AGO3: variants seen among roughly 807,000 people sequenced by gnomAD.
AGO3 encodes the protein argonaute RISC catalytic component 3, also known as protein argonaute-3.
In AGO3, 16 loss-of-function variants were observed where a neutral mutation model predicts 105.5. That is an observed-to-expected ratio of 0.15 (90% CI 0.10 to 0.23). The LOEUF is 0.23. Ranked by LOEUF, AGO3 falls within the 10% of genes least tolerant of loss-of-function variation. The pLI, the probability that AGO3 is intolerant of heterozygous loss-of-function variation, is 1.00. For synonymous variants in AGO3, 340 were observed against 367.3 expected, an observed-to-expected ratio of 0.93 and a Z score of 0.85; for missense variants, 534 against 1,088.0, an observed-to-expected ratio of 0.49 and a Z score of 7.16.
Position 36,069,869 on chromosome 1 carries a change from C to CA in AGO3, c.*14126dup, listed in dbSNP as rs1250517612. ...GTCAGGAGTTCGAGACCAGCCTGGCCAACATGGCAAAACCCCGTCTCTACT... is the reference window on the plus strand; with the variant it reads ...GTCAGGAGTTCGAGACCAGCCTGGCCAAACATGGCAAAACCCCGTCTCTACT... On this transcript the variant is annotated 3_prime_UTR_variant, in exon 19 of 19. Coordinates refer to ENST00000373191, the MANE Select transcript of AGO3 (RefSeq NM_024852.4). The CA allele has an allele frequency of 6.6e-6, 1 of 152,188 alleles. No individual in the cohort carries two copies. The highest frequency in any genetic ancestry group is 2.4e-5 in the African/African-American group (1 of 41,518). The allele number at this position is 152,188 out of a possible 1,614,324, so 9.4% of individuals were successfully genotyped here. A position where few individuals can be genotyped will look rare whatever the true frequency, so the allele number is the denominator to read the frequency against.
At chr1:35,954,054 A>G (rs1381500982) in intron 2 of AGO3, among the ~76,000 whole-genome samples, 5 of 152,310 alleles carry the variant, frequency 3.3e-5, no homozygotes, top group Admixed American at 3.3e-4. Flanking sequence ...GAAGGGTTCT[A>G]TATTAAAATG....
chr1:35,968,252 A>G (rs989129523), intron 3 of AGO3, among the ~76,000 whole-genome samples: 2 of 152,082 alleles, frequency 1.3e-5, no homozygotes, highest in African/African-American at 2.4e-5. Flanking sequence ...TCTTGTAGGG[A>G]GATTCTTTTT....
intron 2 of AGO3, among the ~76,000 whole-genome samples, chr1:35,960,775 C>A (rs1349014016): frequency 2.0e-5 from 3 of 152,202 alleles, no homozygotes; most frequent in African/African-American, 7.2e-5. Context: ...ACTTAAAAAA[C>A]TGTCAAGTGG....
Position 35,949,908 on chromosome 1 carries a change from G to A in AGO3, c.191+4045G>A, listed in dbSNP as rs1226577460. 2.6e-5 allele frequency among the ~76,000 whole-genome samples: 4 copies of A among 151,914 alleles called. No homozygotes were observed. The East Asian group carries it at 5.9e-4, about 22-fold the overall frequency. On this transcript the variant is annotated intron_variant, in intron 2 of 18. Coordinates refer to ENST00000373191, the MANE Select transcript of AGO3 (RefSeq NM_024852.4). ...TTACAGGCATGAGCCACCATGGCCA[G>A]CCTTATTTCGTTTCTTATTAAAGAT...
At chr1:35,967,422 T>G (rs990978110) in intron 3 of AGO3, among the ~76,000 whole-genome samples, 1 of 152,032 alleles carries the variant, frequency 6.6e-6, no homozygotes, top group African/African-American at 2.4e-5. Context: ...TATTTTATTT[T>G]ATTTTATTTT....
chr1:36,014,510 A>G (rs1010418749), intron 11 of AGO3, among the ~76,000 whole-genome samples: 8 of 149,418 alleles, frequency 5.4e-5, no homozygotes, highest in African/African-American at 1.7e-4. Context: ...AGTGGCTCAC[A>G]CCTGTAATCC....
At chr1:35,980,172 A>T (rs1557662605) in intron 5 of AGO3, among the ~76,000 whole-genome samples, 2 of 152,188 alleles carry the variant, frequency 1.3e-5, no homozygotes, top group East Asian at 3.8e-4. Context: ...AGTAACAATT[A>T]CATTAGCTTT....
At chr1:36,042,079 G>T (rs181306088) in intron 16 of AGO3, among the ~76,000 whole-genome samples, 1 of 152,192 alleles carries the variant, frequency 6.6e-6, no homozygotes, top group African/African-American at 2.4e-5. Context: ...TTATGAGATA[G>T]TTGTATTTTT....
At position 35,945,909 on chromosome 1, in the gene AGO3, A is replaced by G. The variant is rs1051780453; in HGVS notation, c.191+46A>G. 6 of 1,551,128 alleles carry G rather than the reference A, an allele frequency of 3.9e-6. No individual in the cohort carries two copies. In the Admixed American group the frequency reaches 8.9e-5, roughly 23 times the overall value. On this transcript the variant is annotated intron_variant, in intron 2 of 18. Transcript: ENST00000373191. ...AAGATCTTTTGCTATTTTTTTCCTT[A>G]GTAATTATCCATGTTTATTTTGTAT...
intron 9 of AGO3, among the ~76,000 whole-genome samples, chr1:36,012,298 G>A (rs1640654532): frequency 6.6e-6 from 1 of 150,842 alleles, no homozygotes; most frequent in South Asian, 2.1e-4. Flanking sequence ...TTGCACCACT[G>A]GATGACAGAG....
At chr1:35,951,233 G>A (rs1646465429) in intron 2 of AGO3, among the ~76,000 whole-genome samples, 1 of 152,140 alleles carries the variant, frequency 6.6e-6, no homozygotes, top group Admixed American at 6.5e-5. Context: ...TCACAGGCGT[G>A]AGCCACCACA....
intron 12 of AGO3, among the ~76,000 whole-genome samples, chr1:36,033,486 T>TAA (rs879885489): frequency 2.2e-5 from 3 of 134,482 alleles, no homozygotes; most frequent in African/African-American, 5.5e-5. Context: ...TCTACTTAAA[T>TAA]AAAAAAAAAA....
rs955554202 is a variant in AGO3 at position 36,010,182 on chromosome 1, G to T, written c.1149+588G>T. Among the ~76,000 whole-genome samples the T allele has an allele frequency of 8.3e-4, 126 of 151,706 alleles. 3 individuals are homozygous for T. Reference sequence around the variant, plus strand: ...TCTCCATCTCCTGACTTTGTGATCCGCCCGCCTCGGCCTCCCAAAGTGCTA... The same window carrying T: ...TCTCCATCTCCTGACTTTGTGATCCTCCCGCCTCGGCCTCCCAAAGTGCTA... On this transcript the variant is annotated intron_variant, in intron 9 of 18. Transcript: ENST00000373191.
At chr1:35,935,119 A>T (rs570465779) in intron 1 of AGO3, among the ~76,000 whole-genome samples, 31 of 152,338 alleles carry the variant, frequency 2.0e-4, no homozygotes, top group East Asian at 9.6e-4. Context: ...ACTTAAAAAA[A>T]ATATATTTAT....
chr1:36,034,320 G>C lies in AGO3; in HGVS notation c.1738G>C (p.Val580Leu), dbSNP rs769738476. 5 of 1,595,514 alleles carry C rather than the reference G, an allele frequency of 3.1e-6. No homozygotes were observed. The highest frequency in any genetic ancestry group is 1.1e-5 in the South Asian group (1 of 87,324). ...VKLGGINNIL[V>L]PHQRPSVFQQ... ...ACTCGGAGGGATCAATAATATTCTTGTACCTCATCAAAGGTAAGATATGCT... is the reference window on the plus strand; with the variant it reads ...ACTCGGAGGGATCAATAATATTCTTCTACCTCATCAAAGGTAAGATATGCT... The change falls in exon 13 of 19, where the codon GTA (valine) becomes CTA (leucine). Residue 580 changes from valine to leucine, a missense_variant. Val to Leu is a conservative substitution (Grantham distance 32). Transcript: ENST00000373191.
upstream of AGO3, chr1:35,931,071 C>G (rs575822040): frequency 2.6e-6 from 1 of 388,988 alleles, no homozygotes; most frequent in Non-Finnish European, 4.6e-6. Context: ...GGCAGCGGAA[C>G]TGACGCCGGC....
At chr1:36,012,249 G>A (rs370598167) in intron 9 of AGO3, among the ~76,000 whole-genome samples, 22 of 151,486 alleles carry the variant, frequency 1.5e-4, no homozygotes, top group African/African-American at 4.8e-4. Flanking sequence ...TGGGAGGATC[G>A]CTTGGGCCCC....
At position 35,945,725 on chromosome 1, in the gene AGO3, C is replaced by T. The variant is rs759682013; in HGVS notation, c.53C>T (p.Pro18Leu). 7 of 1,613,010 alleles carry T rather than the reference C, an allele frequency of 4.3e-6. No individual in the cohort carries two copies. Among genetic ancestry groups the T allele is most frequent in the Non-Finnish European group, 5.9e-6 (7 of 1,180,000 alleles). ...PAGAQPLLMV[P>L]RRPGYGTMGK... is the part of the protein sequence containing the mutation. ...GGGGCCCAGCCCCTACTCATGGTGC[C>T]CAGAAGACCTGGCTATGGCACCATG... Residue 18 changes from proline (P) to leucine (L), a missense_variant, in exon 2 of 19, where the codon CCC becomes CTC. Physicochemically the swap from Pro to Leu is moderately conservative, Grantham distance 98. Around this residue, in one of 2 missense-constraint regions of AGO3, gnomAD observed 161 missense variants for 234.0 expected, o/e 0.69. Coordinates refer to ENST00000373191, the MANE Select transcript of AGO3 (RefSeq NM_024852.4).
intron 17 of AGO3, 68 bp downstream of exon 17, chr1:36,043,616 C>A: frequency 1.5e-6 from 2 of 1,308,348 alleles, no homozygotes; most frequent in South Asian, 1.3e-5. Context: ...TTTTTTAAAT[C>A]TCAGAAAAAG....
Sources: allele counts gnomAD v4.1 joint callset (sites outside exome capture counted in the v4.1 genomes callset), GRCh38; gene constraint gnomAD v4.1.1; regional missense constraint gnomAD v4.1.1; transcripts MANE v1.5; gene names NCBI Gene and HGNC (gene_info 2026-07-23, HGNC 2026-07-21).